GLIPR2: variants seen among roughly 807,000 people sequenced by gnomAD.
GLIPR2 encodes Golgi-associated plant pathogenesis-related protein 1.
Under a neutral mutation model 20.4 loss-of-function variants are expected in GLIPR2, and 21 were observed. That is an observed-to-expected ratio of 1.03 (90% CI 0.73 to 1.48). GLIPR2 has a LOEUF of 1.48. GLIPR2 is among the 40% of genes most tolerant of loss of function. GLIPR2 has a pLI of 0.00. For synonymous variants in GLIPR2, 91 were observed against 80.5 expected (o/e 1.13, Z -0.70); for missense variants, 205 against 200.1 (o/e 1.02, Z -0.15).
At chr9:36,149,529 GC>G (rs1825490131) in intron 3 of GLIPR2, among the ~76,000 whole-genome samples, 1 of 152,218 alleles carries the variant, frequency 6.6e-6, no homozygotes, top group African/African-American at 2.4e-5. Context: ...CCAGGCTGTG[GC>G]CCTCGATGGG....
In GLIPR2 at chr9:36,163,461, T is replaced by A. The variant is rs1826149596; in HGVS notation, c.*939T>A. On this transcript the variant is annotated 3_prime_UTR_variant, in exon 5 of 5. Transcript: ENST00000377960. ...GCCCCCAGAGGAAGCCCTCAGCCTC[T>A]GCCCTCCCCCCACACAGGGCGGGAG... 6.5e-6 allele frequency: 1 copy of A among 154,740 alleles called. No individual in the cohort carries two copies. The highest frequency in any genetic ancestry group is 1.4e-5 in the Non-Finnish European group (1 of 69,686). The allele number at this position is 154,740 out of a possible 1,614,324, so 9.6% of individuals were successfully genotyped here. A position where few individuals can be genotyped will look rare whatever the true frequency, so the allele number is the denominator to read the frequency against.
rs1433529086 is a variant in GLIPR2 at position 36,150,854 on chromosome 9, AATGTC to A, written c.227-15_227-11del. 1.3e-6 allele frequency: 2 copies of A among 1,594,902 alleles called. No individual in the cohort carries two copies. The highest frequency in any genetic ancestry group is 1.7e-6 in the Non-Finnish European group (2 of 1,163,604). Reference sequence around the variant, plus strand: ...GGATTTTGTGGCTGAGTTTTAGAACAATGTCATTTCCACACAGGAAAGGAGGTGGC... The same window carrying A: ...GGATTTTGTGGCTGAGTTTTAGAACAATTTCCACACAGGAAAGGAGGTGGC... On this transcript the variant is annotated splice_polypyrimidine_tract_variant and intron_variant, in intron 3 of 4. Coordinates refer to ENST00000377960, the MANE Select transcript of GLIPR2 (RefSeq NM_022343.4).
chr9:36,151,019 A>C (rs1266546002), intron 4 of GLIPR2, 70 bp downstream of exon 4: 5 of 984,864 alleles, frequency 5.1e-6, no homozygotes, highest in Non-Finnish European at 8.2e-6. Flanking sequence ...GACTTCAGGG[A>C]GGAACCAGCC....
intron 4 of GLIPR2, among the ~76,000 whole-genome samples, chr9:36,156,334 C>T (rs1280281652): frequency 7.2e-6 from 1 of 138,974 alleles, no homozygotes; most frequent in African/African-American, 2.7e-5. Context: ...TTGCAGTGAA[C>T]CATGATTGCA....
upstream of GLIPR2, chr9:36,136,601 C>T (rs1824824713): frequency 5.1e-6 from 2 of 388,656 alleles, no homozygotes; most frequent in Non-Finnish European, 8.8e-6. This position sits in a 1 kb window ranked among gnomAD's most constrained non-coding sequence, Gnocchi z 4.3. Context: ...CTCCGGGAGG[C>T]CCACGGGGTG....
chr9:36,138,786 G>A (rs1824941890), intron 1 of GLIPR2, among the ~76,000 whole-genome samples: 1 of 152,184 alleles, frequency 6.6e-6, no homozygotes, highest in African/African-American at 2.4e-5. Flanking sequence ...CCACAAGACA[G>A]GTGCTGGTGA....
At chr9:36,152,583 C>T (rs906454850) in intron 4 of GLIPR2, among the ~76,000 whole-genome samples, 4 of 151,358 alleles carry the variant, frequency 2.6e-5, no homozygotes, top group Non-Finnish European at 5.9e-5. Context: ...AACCCCGTCT[C>T]TACTAAAAAT....
chr9:36,157,201 T>G (rs921067764), intron 4 of GLIPR2, among the ~76,000 whole-genome samples: 4 of 136,750 alleles, frequency 2.9e-5, no homozygotes, highest in Non-Finnish European at 4.8e-5. Flanking sequence ...TTTTTTTTTT[T>G]GTATTTTTAG....
chr9:36,155,548 C>T (rs1051880413), intron 4 of GLIPR2, among the ~76,000 whole-genome samples: 11 of 151,882 alleles, frequency 7.2e-5, no homozygotes, highest in African/African-American at 4.8e-5. Flanking sequence ...GACATGAGAT[C>T]GTGCCACTGC....
chr9:36,159,375 T>C (rs1206178418), intron 4 of GLIPR2, among the ~76,000 whole-genome samples: 1 of 152,220 alleles, frequency 6.6e-6, no homozygotes, highest in Non-Finnish European at 1.5e-5. Flanking sequence ...GCACTTCTAG[T>C]GAAGGCAGAA....
rs754997675 is a variant in GLIPR2 at position 36,162,420 on chromosome 9, C to T, written c.363C>T (p.Ser121=). The change falls in exon 5 of 5, where the codon TCC becomes TCT. Residue 121 remains serine (S), a synonymous_variant. Coordinates refer to ENST00000377960, the MANE Select transcript of GLIPR2 (RefSeq NM_022343.4). ...NTKKMGVGKA[S]ASDGSSFVVA... ...AGAAGATGGGCGTGGGGAAGGCGTCCGCAAGTGACGGGTCCTCCTTTGTGG... is the reference window on the plus strand; with the variant it reads ...AGAAGATGGGCGTGGGGAAGGCGTCTGCAAGTGACGGGTCCTCCTTTGTGG... The T allele has an allele frequency of 4.3e-6, 7 of 1,613,892 alleles. No homozygotes were observed. Among genetic ancestry groups the T allele is most frequent in the South Asian group, 2.2e-5 (2 of 91,056 alleles).
chr9:36,154,885 G>A lies in GLIPR2; in HGVS notation c.304+3936G>A, dbSNP rs146660030. The stretch of plus-strand genomic sequence containing the variant: ...AAATGGCAGCTTCTTCCTTTTCTGG[G>A]AGACAGAGAGTGGGAGGGTCGATGG... On this transcript the variant is annotated intron_variant, in intron 4 of 4. Transcript: ENST00000377960. 5.1e-3 allele frequency among the ~76,000 whole-genome samples: 781 copies of A among 152,306 alleles called. 13 individuals are homozygous for A. The highest frequency in any genetic ancestry group is 0.018 in the African/African-American group (758 of 41,574).
chr9:36,141,003 C>T (rs1287580865), intron 1 of GLIPR2, among the ~76,000 whole-genome samples: 4 of 152,208 alleles, frequency 2.6e-5, no homozygotes, highest in Non-Finnish European at 5.9e-5. Flanking sequence ...AGGAGGGGAC[C>T]TGACCCGGAA....
At chr9:36,141,524 C>A (rs1327983631) in intron 1 of GLIPR2, among the ~76,000 whole-genome samples, 1 of 152,100 alleles carries the variant, frequency 6.6e-6, no homozygotes, top group Non-Finnish European at 1.5e-5. Flanking sequence ...TCATGAGGAG[C>A]CTGGAGAGGG....
Position 36,148,557 on chromosome 9 carries a change from G to A in GLIPR2, c.133G>A (p.Ala45Thr). Residue 45 changes from alanine (A) to threonine (T), a missense_variant, in exon 3 of 5, where the codon GCC becomes ACC. Transcript: ENST00000377960. ...CTGTGAACTCTGCAGGTATTCTGAG[G>A]CCCTGGCCAGCACGAGGATCCTCAA... ...LNREAQQYSE[A>T]LASTRILKHS... is the part of the protein sequence containing the mutation. 6.2e-7 allele frequency: 1 copy of A among 1,613,674 alleles called. No homozygotes were observed. The highest frequency in any genetic ancestry group is 1.3e-5 in the African/African-American group (1 of 75,054).
upstream of GLIPR2, chr9:36,136,672 G>T: frequency 1.2e-6 from 1 of 847,284 alleles, no homozygotes; most frequent in South Asian, 5.9e-5. The surrounding 1 kb of genome is among the most constrained non-coding windows in gnomAD (Gnocchi z 4.3). Context: ...GGCGGCGCCG[G>T]AGGAGGGGCC....
chr9:36,145,514 G>A (rs534266946), intron 1 of GLIPR2, among the ~76,000 whole-genome samples: 1 of 152,364 alleles, frequency 6.6e-6, no homozygotes, highest in African/African-American at 2.4e-5. Context: ...CACAGGGGAA[G>A]CACTCAGAGA....
intron 1 of GLIPR2, among the ~76,000 whole-genome samples, chr9:36,143,830 C>G (rs1825200689): frequency 6.6e-6 from 1 of 152,172 alleles, no homozygotes; most frequent in Non-Finnish European, 1.5e-5. Flanking sequence ...CGCCAGAAAG[C>G]TTTGACTAGG....
intron 1 of GLIPR2, among the ~76,000 whole-genome samples, chr9:36,143,073 T>C (rs1412971404): frequency 1.3e-5 from 2 of 152,198 alleles, no homozygotes; most frequent in African/African-American, 4.8e-5. Context: ...CTTTCACTTT[T>C]GTTTCTTTTT....
Sources: allele counts gnomAD v4.1 joint callset (sites outside exome capture counted in the v4.1 genomes callset), GRCh38; gene constraint gnomAD v4.1.1; non-coding constraint Gnocchi (gnomAD v3.1); transcripts MANE v1.5; gene names NCBI Gene and HGNC (gene_info 2026-07-23, HGNC 2026-07-21).